Variants in ROBO2 observed in about 807,000 individuals in gnomAD.
ROBO2 encodes roundabout homolog 2.
ROBO2 carries 53 observed loss-of-function variants against 160.8 expected under a neutral mutation model. The observed-to-expected ratio is 0.33, with a 90% CI of 0.26 to 0.41. The LOEUF (loss-of-function observed/expected upper bound fraction) is 0.41. Among genes scored for constraint, ROBO2 ranks in the 10% least tolerant of loss-of-function variants. The pLI is 1.00. For missense variants in ROBO2, 1,577 were observed against 1,722.4 expected (o/e 0.92, Z 1.49); for synonymous variants, 664 against 611.7 (o/e 1.09, Z -1.26).
intron 2 of ROBO2, among the ~76,000 whole-genome samples, chr3:76,555,308 C>T (rs1327837449): frequency 1.4e-5 from 2 of 141,796 alleles, no homozygotes; most frequent in Non-Finnish European, 3.0e-5. Flanking sequence ...AAGAGGTACC[C>T]AGGAGCATGT....
intron 2 of ROBO2, among the ~76,000 whole-genome samples, chr3:76,418,389 T>C (rs2075845457): frequency 6.6e-6 from 1 of 152,038 alleles, no homozygotes; most frequent in African/African-American, 2.4e-5. Context: ...TACAGGTGAA[T>C]GCCACCATAT....
At chr3:76,662,214 T>A (rs577962630) in intron 2 of ROBO2, among the ~76,000 whole-genome samples, 61 of 152,234 alleles carry the variant, frequency 4.0e-4, no homozygotes, top group African/African-American at 1.4e-3. Flanking sequence ...TGGAATTTTA[T>A]TTTTGGTCTT....
chr3:76,057,494 C>G (rs1226752306), intron 2 of ROBO2, among the ~76,000 whole-genome samples: 1 of 152,048 alleles, frequency 6.6e-6, no homozygotes, highest in African/African-American at 2.4e-5. Flanking sequence ...ATAAATAAGT[C>G]AGTTTTGGGT....
rs115775067 is a variant in ROBO2 at position 77,374,920 on chromosome 3, T to C, written c.389-102494T>C. ...TTTTCTTTCAGTACAATAAGATATATGAATGGTGCTGGGCATGCTGGCTCA... is the reference window on the plus strand; with the variant it reads ...TTTTCTTTCAGTACAATAAGATATACGAATGGTGCTGGGCATGCTGGCTCA... On this transcript the variant is annotated intron_variant, in intron 2 of 25. Transcript: ENST00000461745. Among the ~76,000 whole-genome samples the C allele has an allele frequency of 1.9e-3, 295 of 152,358 alleles. 4 individuals carry two copies. The highest frequency in any genetic ancestry group is 6.4e-3 in the African/African-American group (268 of 41,594).
intron 2 of ROBO2, among the ~76,000 whole-genome samples, chr3:76,589,145 G>A (rs2086247663): frequency 6.6e-6 from 1 of 152,066 alleles, no homozygotes; most frequent in Non-Finnish European, 1.5e-5. Flanking sequence ...GTGAGATGAT[G>A]AACATGTTAA....
chr3:76,090,656 T>C (rs1367417819), intron 2 of ROBO2, among the ~76,000 whole-genome samples: 1 of 152,054 alleles, frequency 6.6e-6, no homozygotes, highest in African/African-American at 2.4e-5. Flanking sequence ...TGAAGAAGAA[T>C]AAAATTGGAG....
chr3:76,017,608 C>G (rs921225750), intron 2 of ROBO2, among the ~76,000 whole-genome samples: 7 of 152,028 alleles, frequency 4.6e-5, no homozygotes, highest in Non-Finnish European at 1.0e-4. Context: ...TTTTCTAAGG[C>G]TAAGGTCCAA....
chr3:76,803,925 T>C (rs2064455426), intron 2 of ROBO2, among the ~76,000 whole-genome samples: 1 of 152,198 alleles, frequency 6.6e-6, no homozygotes, highest in African/African-American at 2.4e-5. Context: ...CGTGAAGCTA[T>C]AGGAAAATGA....
At chr3:76,403,207 A>ATATTC (rs2077942287) in intron 2 of ROBO2, among the ~76,000 whole-genome samples, 1 of 151,594 alleles carries the variant, frequency 6.6e-6, no homozygotes, top group Non-Finnish European at 1.5e-5. Context: ...AGACTTGACT[A>ATATTC]CATCAGATAG....
intron 2 of ROBO2, among the ~76,000 whole-genome samples, chr3:76,363,491 A>C (rs1268965115): frequency 1.3e-5 from 2 of 152,260 alleles, no homozygotes; most frequent in Middle Eastern, 3.4e-3. Context: ...GCATTATTAA[A>C]GATGACAACA....
intron 1 of ROBO2, among the ~76,000 whole-genome samples, chr3:75,932,709 T>C (rs921308195): frequency 2.0e-5 from 3 of 152,152 alleles, no homozygotes; most frequent in Non-Finnish European, 4.4e-5. Context: ...TTTAATACTT[T>C]AGAGTTTTCA....
intron 2 of ROBO2, among the ~76,000 whole-genome samples, chr3:76,025,053 AT>A (rs146338032): frequency 0.058 from 8,816 of 150,982 alleles, 807 homozygotes; most frequent in African/African-American, 0.19. Context: ...ATTTATTTCT[AT>A]GGAGAACCAT....
chr3:77,056,713 T>C (rs568137711), intron 1 of ROBO2, among the ~76,000 whole-genome samples: 1 of 152,318 alleles, frequency 6.6e-6, no homozygotes, highest in African/African-American at 2.4e-5. Flanking sequence ...TAACTTTTTT[T>C]CAAATGTATT....
intron 2 of ROBO2, among the ~76,000 whole-genome samples, chr3:77,197,069 C>T (rs1248527087): frequency 2.0e-5 from 3 of 151,940 alleles, no homozygotes; most frequent in Admixed American, 6.5e-5. Flanking sequence ...ATGTTCTACA[C>T]AGGAAACCAC....
chr3:76,834,112 T>TTCTTTCTTTCTTTCTC lies in ROBO2; in HGVS notation c.110-263899_110-263898insTTCTTTCTTTCTCTCT, dbSNP rs1267085073. Reference sequence around the variant, plus strand: ...TTTCTTTCTTTCTTTCTTTCTTTCTTTCTCTCTGTCTCTCCTTCCTTCTTT... The same window carrying TTCTTTCTTTCTTTCTC: ...TTTCTTTCTTTCTTTCTTTCTTTCTTTCTTTCTTTCTTTCTCTCTCTCTGTCTCTCCTTCCTTCTTT... On this transcript the variant is annotated intron_variant, in intron 2 of 26. Coordinates refer to the ROBO2 transcript ENST00000487694. Among the ~76,000 whole-genome samples the TTCTTTCTTTCTTTCTC allele has an allele frequency of 8.7e-4, 126 of 145,474 alleles. 1 individual carries two copies. Among genetic ancestry groups the TTCTTTCTTTCTTTCTC allele is most frequent in the African/African-American group, 3.1e-3 (119 of 38,840 alleles).
chr3:77,461,209 T>C (rs796573115), intron 2 of ROBO2, among the ~76,000 whole-genome samples: 106 of 152,272 alleles, frequency 7.0e-4, no homozygotes, highest in African/African-American at 2.5e-3. Context: ...CTTTTTATTA[T>C]GCAAATTTAT....
intron 2 of ROBO2, among the ~76,000 whole-genome samples, chr3:76,538,151 TCACACACACACACACACA>T (rs3223397): frequency 1.4e-5 from 2 of 146,258 alleles, no homozygotes; most frequent in African/African-American, 5.1e-5. Flanking sequence ...CTGACAGAAC[TCACACACACACACACACA>T]CACACACACA....
chr3:76,665,908 TATACACATATTTTATATGTA>T (rs1417662033), intron 2 of ROBO2, among the ~76,000 whole-genome samples: 2 of 62,428 alleles, frequency 3.2e-5, no homozygotes, highest in African/African-American at 4.1e-5. Context: ...TTATATATAA[TATACACATATTTTATATGTA>T]ATATACATAT....
At chr3:76,859,724 C>T (rs2070535071) in intron 2 of ROBO2, among the ~76,000 whole-genome samples, 1 of 152,190 alleles carries the variant, frequency 6.6e-6, no homozygotes, top group South Asian at 2.1e-4. Context: ...CTTTTCCCAC[C>T]CAGCTGGTGG....
Sources: gnomAD v4.1 joint callset for allele counts (sites outside exome capture counted in the v4.1 genomes callset) on GRCh38, gnomAD v4.1.1 for gene constraint, MANE v1.5 for transcripts, NCBI Gene and HGNC (gene_info 2026-07-23, HGNC 2026-07-21) for gene names.